Variants in SPMIP4 observed in about 807,000 individuals in gnomAD.
SPMIP4 encodes sperm-associated microtubule inner protein 4.
At chr7:25,156,609 G>A in the SPMIP4 span, among the ~76,000 whole-genome samples, 10 of 152,226 alleles carry the variant, frequency 6.6e-5, no homozygotes, top group African/African-American at 2.4e-4. Flanking sequence ...CTGTGGCACG[G>A]AGGATACTGG....
chr7:25,158,445 T>C, the SPMIP4 span: 1 of 1,306,738 alleles, frequency 7.7e-7, no homozygotes, highest in Non-Finnish European at 1.1e-6. Flanking sequence ...ATAGGAAATG[T>C]CAATTTTTTT....
At chr7:25,128,617 G>A in the SPMIP4 span, among the ~76,000 whole-genome samples, 4 of 152,208 alleles carry the variant, frequency 2.6e-5, no homozygotes, top group Non-Finnish European at 4.4e-5. The surrounding 1 kb of genome is among the most constrained non-coding windows in gnomAD (Gnocchi z 4.5). Context: ...TTGGCCCAGG[G>A]CATGTCCAGA....
the SPMIP4 span, chr7:25,179,234 G>A: frequency 1.2e-6 from 2 of 1,613,712 alleles, no homozygotes; most frequent in Non-Finnish European, 1.7e-6. Context: ...ATTCATTAGA[G>A]TAAAAGGTGT....
At chr7:25,136,646 A>G in the SPMIP4 span, 1 of 1,614,148 alleles carries the variant, frequency 6.2e-7, no homozygotes, top group Non-Finnish European at 8.5e-7. The surrounding 1 kb of genome is among the most constrained non-coding windows in gnomAD (Gnocchi z 5.7). Flanking sequence ...AAGGTATGAA[A>G]ATTACACAAA....
chr7:25,125,843 A>G, the SPMIP4 span: 1 of 876,452 alleles, frequency 1.1e-6, no homozygotes, highest in Non-Finnish European at 1.4e-6. Flanking sequence ...CGAGTTGGGC[A>G]CCAGCTCGTG....
At chr7:25,169,132 G>A in the SPMIP4 span, among the ~76,000 whole-genome samples, 1 of 151,718 alleles carries the variant, frequency 6.6e-6, no homozygotes, top group Non-Finnish European at 1.5e-5. Context: ...GCTCATGCCT[G>A]TAATCCCAGC....
chr7:25,145,667 G>T, the SPMIP4 span, among the ~76,000 whole-genome samples: 1 of 152,312 alleles, frequency 6.6e-6, no homozygotes, highest in East Asian at 1.9e-4. Flanking sequence ...AGTCTACAAA[G>T]AAGTGACATT....
the SPMIP4 span, chr7:25,135,593 T>C: frequency 3.4e-6 from 3 of 873,656 alleles, no homozygotes; most frequent in Non-Finnish European, 4.1e-6. Context: ...TAGTCATTCA[T>C]TAATTATTGA....
the SPMIP4 span, among the ~76,000 whole-genome samples, chr7:25,151,942 G>GTAGC: frequency 6.6e-6 from 1 of 152,182 alleles, no homozygotes; most frequent in South Asian, 2.1e-4. Flanking sequence ...AGCCTCCTGA[G>GTAGC]TAGCTGGGAC....
chr7:25,139,500 T>C, the SPMIP4 span, among the ~76,000 whole-genome samples: 5 of 152,142 alleles, frequency 3.3e-5, no homozygotes, highest in East Asian at 3.9e-4. Flanking sequence ...GATGATGGAA[T>C]TGACAGCAGA....
At chr7:25,173,640 G>A in the SPMIP4 span, among the ~76,000 whole-genome samples, 2 of 152,136 alleles carry the variant, frequency 1.3e-5, no homozygotes, top group African/African-American at 2.4e-5. This position sits in a 1 kb window ranked among gnomAD's most constrained non-coding sequence, Gnocchi z 4.4. Flanking sequence ...GTCTGACAAC[G>A]ATCAACAGAC....
the SPMIP4 span, chr7:25,179,078 G>A: frequency 4.1e-6 from 4 of 965,490 alleles, 1 homozygote; most frequent in South Asian, 4.5e-5. Context: ...AGAAACAGAA[G>A]AGCCCCAGAA....
chr7:25,133,876 C>T, the SPMIP4 span, among the ~76,000 whole-genome samples: 1 of 152,150 alleles, frequency 6.6e-6, no homozygotes, highest in Non-Finnish European at 1.5e-5. Flanking sequence ...CTTTTCTGTA[C>T]TGTATATATT....
At chr7:25,145,926 T>G in the SPMIP4 span, among the ~76,000 whole-genome samples, 1 of 146,190 alleles carries the variant, frequency 6.8e-6, no homozygotes, top group Non-Finnish European at 1.5e-5. Flanking sequence ...CAAATATAGT[T>G]TTTTTTTTTG....
chr7:25,142,384 G>T, the SPMIP4 span: 2 of 1,265,750 alleles, frequency 1.6e-6, no homozygotes, highest in Non-Finnish European at 2.2e-6. Flanking sequence ...AAGAACGACA[G>T]TTATATTACC....
At chr7:25,141,709 T>TA in the SPMIP4 span, among the ~76,000 whole-genome samples, 3,175 of 149,482 alleles carry the variant, frequency 0.021, 102 homozygotes, top group African/African-American at 0.069. Flanking sequence ...GAAAATCTGT[T>TA]AAAAAAAAAA....
chr7:25,173,097 T>G, the SPMIP4 span, among the ~76,000 whole-genome samples: 5 of 146,672 alleles, frequency 3.4e-5, no homozygotes, highest in Admixed American at 6.8e-5. This position sits in a 1 kb window ranked among gnomAD's most constrained non-coding sequence, Gnocchi z 4.4. Context: ...GATAGGTAGG[T>G]AGATAGGGAG....
chr7:25,141,579 A>G, the SPMIP4 span, among the ~76,000 whole-genome samples: 1 of 27,922 alleles, frequency 3.6e-5, no homozygotes, highest in Non-Finnish European at 1.4e-4. Context: ...TCAAGGAAAA[A>G]AAAAAAAAAA....
chr7:25,132,414 C>T, the SPMIP4 span, among the ~76,000 whole-genome samples: 1 of 152,152 alleles, frequency 6.6e-6, no homozygotes, highest in Non-Finnish European at 1.5e-5. The surrounding 1 kb of genome is among the most constrained non-coding windows in gnomAD (Gnocchi z 5.0). Flanking sequence ...ATATCATTGA[C>T]AATGCTAAGT....
Sources: gnomAD v4.1 joint callset for allele counts (sites outside exome capture counted in the v4.1 genomes callset) on GRCh38, gnomAD v4.1.1 for gene constraint, Gnocchi (gnomAD v3.1) non-coding constraint, MANE v1.5 for transcripts, NCBI Gene and HGNC (gene_info 2026-07-23, HGNC 2026-07-21) for gene names.